TMTC1: variants seen among roughly 807,000 people sequenced by gnomAD.
The protein encoded by TMTC1 is transmembrane O-mannosyltransferase targeting cadherins 1.
TMTC1 carries 73 observed loss-of-function variants against 104.8 expected under a neutral mutation model. That is an observed-to-expected ratio of 0.70 (90% CI 0.58 to 0.85). TMTC1 has a LOEUF of 0.85. Among genes scored for constraint, TMTC1 ranks in the 40% least tolerant of loss-of-function variants. The pLI, the probability that TMTC1 is intolerant of heterozygous loss-of-function variation, is 0.00. For missense variants in TMTC1, 1,035 were observed against 1,096.1 expected, an observed-to-expected ratio of 0.94 and a Z score of 0.79; for synonymous variants, 434 against 428.7, an observed-to-expected ratio of 1.01 and a Z score of -0.15.
At chr12:29,741,965 C>T (rs1004290739) in intron 5 of TMTC1, among the ~76,000 whole-genome samples, 4 of 152,140 alleles carry the variant, frequency 2.6e-5, no homozygotes, top group African/African-American at 7.2e-5. Context: ...ATGAAAGAGA[C>T]CACTTTTTAA....
At chr12:29,600,016 T>TTTC in intron 7 of TMTC1, among the ~76,000 whole-genome samples, 1 of 133,200 alleles carries the variant, frequency 7.5e-6, no homozygotes, top group East Asian at 2.0e-4. Context: ...ATATTTTTTT[T>TTTC]TTTTTTTCCC....
chr12:29,672,854 C>T (rs1197414778), intron 5 of TMTC1, among the ~76,000 whole-genome samples: 3 of 152,130 alleles, frequency 2.0e-5, no homozygotes, highest in African/African-American at 7.2e-5. Flanking sequence ...TAGGTGGCCT[C>T]ATAAAACGCA....
At chr12:29,643,953 ATT>A (rs1939109066) in intron 5 of TMTC1, among the ~76,000 whole-genome samples, 1 of 114,366 alleles carries the variant, frequency 8.7e-6, no homozygotes, top group South Asian at 2.3e-4. Flanking sequence ...TTAAATATAT[ATT>A]TATATATACT....
At chr12:29,514,748 GTGGCTAA>G in intron 15 of TMTC1, 144 bp from the exon 16 acceptor site, 1 of 843,976 alleles carries the variant, frequency 1.2e-6, no homozygotes, top group Non-Finnish European at 1.8e-6. Flanking sequence ...GTCAGGCGTA[GTGGCTAA>G]TGGCTGTAAT....
At chr12:29,712,349 T>A (rs1411397547) in intron 5 of TMTC1, among the ~76,000 whole-genome samples, 1 of 152,218 alleles carries the variant, frequency 6.6e-6, no homozygotes, top group Non-Finnish European at 1.5e-5. Flanking sequence ...GAATTAATTA[T>A]TTTCCCAATC....
intron 1 of TMTC1, among the ~76,000 whole-genome samples, chr12:29,778,521 C>T (rs904676999): frequency 6.6e-6 from 1 of 151,928 alleles, no homozygotes; most frequent in Non-Finnish European, 1.5e-5. Context: ...TTCAGGCTTA[C>T]AAACAGGTCA....
chr12:29,514,910 G>T (rs914445826), intron 15 of TMTC1, among the ~76,000 whole-genome samples: 1 of 152,010 alleles, frequency 6.6e-6, no homozygotes, highest in African/African-American at 2.4e-5. Context: ...GCTACTGGGG[G>T]GGCTGAGATG....
At chr12:29,619,013 G>A (rs912378188) in intron 6 of TMTC1, among the ~76,000 whole-genome samples, 12 of 152,076 alleles carry the variant, frequency 7.9e-5, no homozygotes, top group African/African-American at 2.9e-4. Context: ...TCAAAAGGTG[G>A]CACTTGCTCT....
chr12:29,568,779 T>C (rs907818153), intron 9 of TMTC1: 5 of 384,210 alleles, frequency 1.3e-5, no homozygotes, highest in African/African-American at 2.1e-5. Context: ...TCGGGGCTTA[T>C]TAGCTGAGGC....
chr12:29,716,689 C>T (rs754127106), intron 5 of TMTC1, among the ~76,000 whole-genome samples: 33 of 151,860 alleles, frequency 2.2e-4, no homozygotes, highest in Admixed American at 7.9e-4. Context: ...GGAATAAAAA[C>T]GTTAGTTCAA....
rs142311095 is a variant in TMTC1 at position 29,544,685 on chromosome 12, T to C, written c.1677-8368A>G. Among the ~76,000 whole-genome samples the C allele has an allele frequency of 2.7e-3, 413 of 152,344 alleles. 1 individual carries two copies. Among genetic ancestry groups the C allele is most frequent in the Admixed American group, 4.2e-3 (64 of 15,300 alleles). On this transcript the variant is annotated intron_variant, in intron 10 of 17. Coordinates refer to ENST00000539277, the MANE Select transcript of TMTC1 (RefSeq NM_001193451.2). ...CAAGCCAGTTTCACTTCAAAGTGTA[T>C]GCAAATATATATGCTAAATCCTTTC...
intron 10 of TMTC1, among the ~76,000 whole-genome samples, chr12:29,544,353 C>G (rs1309965763): frequency 6.6e-6 from 1 of 152,102 alleles, no homozygotes; most frequent in Non-Finnish European, 1.5e-5. Flanking sequence ...GCCTCCCTCC[C>G]ACCCCCCATC....
chr12:29,732,560 TG>T (rs1433567942), intron 5 of TMTC1, among the ~76,000 whole-genome samples: 2 of 152,178 alleles, frequency 1.3e-5, no homozygotes, highest in Non-Finnish European at 2.9e-5. Context: ...TGTACTAGCC[TG>T]GATTTCCATA....
chr12:29,769,415 G>C (rs1047679936), intron 1 of TMTC1, among the ~76,000 whole-genome samples: 28 of 152,178 alleles, frequency 1.8e-4, no homozygotes, highest in African/African-American at 6.0e-4. Context: ...CTCAATACAG[G>C]AGCCTGGTGG....
intron 5 of TMTC1, among the ~76,000 whole-genome samples, chr12:29,707,759 C>T (rs866932000): frequency 6.6e-6 from 1 of 152,168 alleles, no homozygotes; most frequent in African/African-American, 2.4e-5. Context: ...CAGTCTCATC[C>T]GTATGAACCA....
intron 5 of TMTC1, among the ~76,000 whole-genome samples, chr12:29,730,679 G>T (rs986700478): frequency 2.6e-5 from 4 of 152,166 alleles, no homozygotes; most frequent in Non-Finnish European, 4.4e-5. Context: ...GGCCAACAAA[G>T]ATTTCACCTG....
At chr12:29,695,660 T>C (rs1246821739) in intron 5 of TMTC1, among the ~76,000 whole-genome samples, 1 of 151,878 alleles carries the variant, frequency 6.6e-6, no homozygotes, top group Non-Finnish European at 1.5e-5. Context: ...CACTACTTAA[T>C]ACATTACGAT....
chr12:29,744,782 T>C (rs565457396), intron 5 of TMTC1, among the ~76,000 whole-genome samples: 4 of 152,348 alleles, frequency 2.6e-5, no homozygotes, highest in African/African-American at 9.6e-5. Context: ...TAATGAGACC[T>C]GGGAAACCAG....
At chr12:29,547,074 G>T (rs1370895120) in intron 10 of TMTC1, among the ~76,000 whole-genome samples, 1 of 152,200 alleles carries the variant, frequency 6.6e-6, no homozygotes, top group Non-Finnish European at 1.5e-5. Flanking sequence ...TGATTTTCAG[G>T]ACAAGGGAGA....
Sources: allele counts gnomAD v4.1 joint callset (sites outside exome capture counted in the v4.1 genomes callset), GRCh38; gene constraint gnomAD v4.1.1; transcripts MANE v1.5; gene names NCBI Gene and HGNC (gene_info 2026-07-23, HGNC 2026-07-21).